The following ITPRID2 variants were observed in gnomAD, a reference collection of about 807,000 sequenced individuals.
ITPRID2 encodes the protein protein ITPRID2.
Under a neutral mutation model 124.3 loss-of-function variants are expected in ITPRID2, and 60 were observed. The ratio of observed to expected loss-of-function variants is 0.48; its 90% CI spans 0.39 to 0.60. The LOEUF (loss-of-function observed/expected upper bound fraction) is 0.60, where lower values mean the gene tolerates loss of function less well. Among genes scored for constraint, ITPRID2 ranks in the 20% least tolerant of loss-of-function variants. The pLI is 0.00. For synonymous variants in ITPRID2, 521 were observed against 542.9 expected (o/e 0.96, Z 0.56); for missense variants, 1,553 against 1,512.2 (o/e 1.03, Z -0.45).
chr2:181,930,497 G>A lies in ITPRID2; in HGVS notation c.*950G>A, dbSNP rs1367882000. ...AATGGTTTCCCATTTGGTTTTATAT[G>A]TGTTAAATAAATGTGTAAAGTAACC... On this transcript the variant is annotated 3_prime_UTR_variant, in exon 18 of 18. Coordinates refer to ENST00000431877, the MANE Select transcript of ITPRID2 (RefSeq NM_001130445.3). 6.6e-6 allele frequency: 1 copy of A among 152,400 alleles called. No individual in the cohort carries two copies. Among genetic ancestry groups the A allele is most frequent in the African/African-American group, 2.4e-5 (1 of 41,400 alleles). 9.4% of individuals were successfully genotyped at this position (152,400 alleles called of 1,614,324 possible). A position where few individuals can be genotyped will look rare whatever the true frequency, so the allele number is the denominator to read the frequency against.
At chr2:181,899,885 A>G (rs1264067713) in intron 6 of ITPRID2, among the ~76,000 whole-genome samples, 2 of 152,328 alleles carry the variant, frequency 1.3e-5, no homozygotes, top group East Asian at 1.9e-4. Context: ...CACATATAGT[A>G]TATTAAAATA....
chr2:181,910,675 G>GTT lies in ITPRID2; in HGVS notation c.1486+713_1486+714dup. On this transcript the variant is annotated intron_variant, in intron 9 of 17. Coordinates refer to ENST00000431877, the MANE Select transcript of ITPRID2 (RefSeq NM_001130445.3). This position sits in a 1 kb window ranked among gnomAD's most constrained non-coding sequence, Gnocchi z 4.1. ...AACTTTACACATGCTGAACCACCCT[G>GTT]TTTTTTTTTTAAACAAAGATTCGTA... 33 of 576,482 alleles carry GTT rather than the reference G, an allele frequency of 5.7e-5. No homozygotes were observed. Among genetic ancestry groups the GTT allele is most frequent in the South Asian group, 1.3e-4 (6 of 47,694 alleles). 35.7% of individuals were successfully genotyped at this position (576,482 alleles called of 1,614,324 possible). A position where few individuals can be genotyped will look rare whatever the true frequency, so the allele number is the denominator to read the frequency against.
chr2:181,892,503 C>A lies in ITPRID2; in HGVS notation c.212-112C>A. 1 of 1,382,592 alleles carries A rather than the reference C, an allele frequency of 7.2e-7. No individual in the cohort carries two copies. Among genetic ancestry groups the A allele is most frequent in the Non-Finnish European group, 1.0e-6 (1 of 975,882 alleles). The allele number at this position is 1,382,592 out of a possible 1,614,324, so 85.6% of individuals were successfully genotyped here. A position where few individuals can be genotyped will look rare whatever the true frequency, so the allele number is the denominator to read the frequency against. ...CCTGCCAAGGGACACTGAGACGTGT[C>A]GCTTAGGCTGCATTTGCCGTGGTAG... is the stretch of plus-strand genomic sequence containing the variant. On this transcript the variant is annotated intron_variant, in intron 1 of 17. Coordinates refer to ENST00000431877, the MANE Select transcript of ITPRID2 (RefSeq NM_001130445.3). This position sits in a 1 kb window ranked among gnomAD's most constrained non-coding sequence, Gnocchi z 5.2.
chr2:181,922,150 C>A lies in ITPRID2; in HGVS notation c.3413C>A (p.Ser1138Tyr), dbSNP rs1559017585. The change falls in exon 16 of 18, where the codon TCC becomes TAC. Residue 1138 changes from serine (S) to tyrosine (Y), a missense_variant. By Grantham distance (144) the Ser-to-Tyr change is moderately radical (BLOSUM62 -2). Transcript: ENST00000431877. ...CCTTCTACTGCCTCAGTGGGCAAAT[C>A]CAAAACCCCATTAGTGGCAAGGAAG... ...GVPSTASVGK[S>Y]KTPLVARKKV... 3 of 1,614,100 alleles carry A rather than the reference C, an allele frequency of 1.9e-6. No homozygotes were observed. The highest frequency in any genetic ancestry group is 2.5e-6 in the Non-Finnish European group (3 of 1,180,060).
intron 2 of ITPRID2, chr2:181,894,003 T>C (rs1256036628): frequency 6.6e-6 from 1 of 152,210 alleles, no homozygotes; most frequent in Admixed American, 6.5e-5. Context: ...TTAAGTCCTT[T>C]AAAGCCTCCA....
chr2:181,895,367 A>G (rs1692105840), intron 2 of ITPRID2, among the ~76,000 whole-genome samples: 1 of 152,100 alleles, frequency 6.6e-6, no homozygotes, highest in South Asian at 2.1e-4. Flanking sequence ...AAATTTTAGC[A>G]ATGGCTAATC....
chr2:181,925,831 C>T (rs1694803569), intron 16 of ITPRID2, among the ~76,000 whole-genome samples: 1 of 152,210 alleles, frequency 6.6e-6, no homozygotes, highest in Admixed American at 6.5e-5. Context: ...TCTATCTCCA[C>T]TGTCATCTGA....
rs1559011968 is a variant in ITPRID2, at chr2:181,918,746, G to T, written c.2866-9G>T. The stretch of plus-strand genomic sequence containing the variant: ...TTTAGAAGTGTAATTTTGTTATATT[G>T]CATTCTAGAATACTTTTCAGGAGCT... On this transcript the variant is annotated splice_polypyrimidine_tract_variant and intron_variant, in intron 12 of 17. Coordinates refer to ENST00000431877, the MANE Select transcript of ITPRID2 (RefSeq NM_001130445.3). The T allele has an allele frequency of 2.5e-6, 4 of 1,613,552 alleles. No individual in the cohort carries two copies. Among genetic ancestry groups the T allele is most frequent in the Non-Finnish European group, 3.4e-6 (4 of 1,179,880 alleles).
rs968395784 is a variant in ITPRID2 at position 181,910,374 on chromosome 2, A to G, written c.1486+403A>G. On this transcript the variant is annotated intron_variant, in intron 9 of 17. Transcript: ENST00000431877. This position sits in a 1 kb window ranked among gnomAD's most constrained non-coding sequence, Gnocchi z 4.1. The stretch of plus-strand genomic sequence containing the variant: ...TAGCTCCTAGGTATAACACATGAAT[A>G]TTCCTCTAGCAAAACCCACCAATTT... The G allele has an allele frequency of 9.9e-6, 5 of 507,410 alleles. No individual in the cohort carries two copies. The allele number at this position is 507,410 out of a possible 1,614,324, so 31.4% of individuals were successfully genotyped here. A position where few individuals can be genotyped will look rare whatever the true frequency, so the allele number is the denominator to read the frequency against.
rs1308519277 is a variant in ITPRID2 at position 181,928,167 on chromosome 2, G to A, written c.3682G>A (p.Glu1228Lys). The A allele has an allele frequency of 7.8e-6, 12 of 1,539,260 alleles. No homozygotes were observed. Among genetic ancestry groups the A allele is most frequent in the Non-Finnish European group, 8.8e-6 (10 of 1,140,914 alleles). The change falls in exon 17 of 18, where the codon GAG (glutamate) becomes AAG (lysine). Residue 1228 changes from glutamate (E) to lysine (K), a missense_variant. Transcript: ENST00000431877. Reference sequence around the variant, plus strand: ...TATTGTTTTTCCAATCTAGATTAAAGAGTCTATTGTTGGGGAAATCAGACG... The same window carrying A: ...TATTGTTTTTCCAATCTAGATTAAAAAGTCTATTGTTGGGGAAATCAGACG... ...ELQQVIREIK[E>K]SIVGEIRREI...
At chr2:181,918,711 A>G (rs368491139) in intron 12 of ITPRID2, 36 bp downstream of exon 12, 18 of 1,613,526 alleles carry the variant, frequency 1.1e-5, no homozygotes, top group Non-Finnish European at 2.5e-6. Flanking sequence ...TTCCAAAATA[A>G]TTTGTAGAAT....
chr2:181,917,144 C>G (rs1694126439), intron 11 of ITPRID2: 1 of 288,994 alleles, frequency 3.5e-6, no homozygotes, highest in Non-Finnish European at 5.2e-6. Flanking sequence ...TTGCCTTTTA[C>G]ATTTTCTTGA....
chr2:181,891,993 C>T lies in ITPRID2; in HGVS notation c.-74C>T, dbSNP rs548366767. 13,013 of 1,456,760 alleles carry T rather than the reference C, an allele frequency of 8.9e-3. 97 individuals carry two copies. Among genetic ancestry groups the T allele is most frequent in the Middle Eastern group, 0.04 (162 of 4,060 alleles). 90.2% of individuals were successfully genotyped at this position (1,456,760 alleles called of 1,614,324 possible). A position where few individuals can be genotyped will look rare whatever the true frequency, so the allele number is the denominator to read the frequency against. On this transcript the variant is annotated 5_prime_UTR_variant, in exon 1 of 18. Coordinates refer to ENST00000431877, the MANE Select transcript of ITPRID2 (RefSeq NM_001130445.3). ...CCCCTGCCCGGCCGGGCGCTGACAG[C>T]AAGGGCGGGGGTCCCTGCCGCCGCC...
intron 2 of ITPRID2, among the ~76,000 whole-genome samples, chr2:181,894,953 CT>C (rs1261212926): frequency 1.3e-5 from 2 of 151,910 alleles, no homozygotes; most frequent in African/African-American, 4.8e-5. Context: ...GGAAGGATGA[CT>C]TTTTAAAGAC....
chr2:181,903,748 A>G (rs1574230872), intron 8 of ITPRID2, among the ~76,000 whole-genome samples: 1 of 152,098 alleles, frequency 6.6e-6, no homozygotes, highest in East Asian at 1.9e-4. Context: ...GGTATAATTT[A>G]TTTCTCATCG....
chr2:181,893,018 T>C, intron 2 of ITPRID2: 1 of 331,608 alleles, frequency 3.0e-6, no homozygotes, highest in Non-Finnish European at 5.7e-6. Context: ...TTGGCATCTG[T>C]ACAACTGGCA....
intron 17 of ITPRID2, among the ~76,000 whole-genome samples, chr2:181,928,778 A>G (rs1478226659): frequency 1.3e-5 from 2 of 152,080 alleles, no homozygotes; most frequent in African/African-American, 4.8e-5. Flanking sequence ...GGCGCCAGCC[A>G]CTACGCCCGG....
chr2:181,925,653 C>G (rs10181991), intron 16 of ITPRID2, among the ~76,000 whole-genome samples: 2,249 of 152,224 alleles, frequency 0.015, 58 homozygotes, highest in African/African-American at 0.051. Flanking sequence ...TGCTGAGATA[C>G]ACTGATAAAT....
Position 181,892,891 on chromosome 2 carries a change from G to C in ITPRID2, c.257+231G>C. 6.8e-6 allele frequency: 4 copies of C among 590,078 alleles called. No individual in the cohort carries two copies. Among genetic ancestry groups the C allele is most frequent in the South Asian group, 2.0e-5 (1 of 49,206 alleles). 36.6% of individuals were successfully genotyped at this position (590,078 alleles called of 1,614,324 possible). A position where few individuals can be genotyped will look rare whatever the true frequency, so the allele number is the denominator to read the frequency against. ...TACAGTTAGGACTTGAGCTACTCACGCATCGTGTTAGCATCAGAGATCAGA... is the reference window on the plus strand; with the variant it reads ...TACAGTTAGGACTTGAGCTACTCACCCATCGTGTTAGCATCAGAGATCAGA... On this transcript the variant is annotated intron_variant, in intron 2 of 17. Transcript: ENST00000431877. The surrounding 1 kb of genome is among the most constrained non-coding windows in gnomAD (Gnocchi z 5.2).
Sources: allele counts gnomAD v4.1 joint callset (sites outside exome capture counted in the v4.1 genomes callset), GRCh38; gene constraint gnomAD v4.1.1; non-coding constraint Gnocchi (gnomAD v3.1); transcripts MANE v1.5; gene names NCBI Gene and HGNC (gene_info 2026-07-23, HGNC 2026-07-21).